KCNH8: variants seen among roughly 807,000 people sequenced by gnomAD.
KCNH8 encodes voltage-gated delayed rectifier potassium channel KCNH8.
KCNH8 carries 70 observed loss-of-function variants against 103.6 expected under a neutral mutation model. That is an observed-to-expected ratio of 0.68 (90% CI 0.56 to 0.82). The LOEUF is 0.82. Ranked by LOEUF, KCNH8 falls within the 40% of genes least tolerant of loss-of-function variation. The pLI, the probability that KCNH8 is intolerant of heterozygous loss-of-function variation, is 0.00. For missense variants in KCNH8, 1,217 were observed against 1,329.9 expected, an observed-to-expected ratio of 0.92 and a Z score of 1.32; for synonymous variants, 498 against 489.4, an observed-to-expected ratio of 1.02 and a Z score of -0.23.
Position 19,253,749 on chromosome 3 carries a change from A to G in KCNH8, c.172A>G (p.Thr58Ala), listed in dbSNP as rs1193045273. ...GFCELAGFARTEVMQKSCSCK... is the reference protein window; with the variant it reads ...GFCELAGFARAEVMQKSCSCK... ...CTGCGAGCTTGCTGGATTTGCCCGA[A>G]CTGAAGTCATGCAGAAGAGTTGTAG... Residue 58 changes from threonine (T) to alanine (A), a missense_variant, in exon 2 of 16, where the codon ACT becomes GCT. Thr to Ala is a moderately conservative substitution (Grantham distance 58, BLOSUM62 0). This residue lies in a region of KCNH8 where 244 missense variants were observed against 256.8 expected (regional missense o/e 0.95). Coordinates refer to ENST00000328405, the MANE Select transcript of KCNH8 (RefSeq NM_144633.3). The G allele has an allele frequency of 6.2e-7, 1 of 1,613,882 alleles. No homozygotes were observed. The highest frequency in any genetic ancestry group is 1.7e-5 in the Admixed American group (1 of 59,952).
chr3:19,361,533 G>A (rs2125109819), intron 5 of KCNH8, among the ~76,000 whole-genome samples: 1 of 152,246 alleles, frequency 6.6e-6, no homozygotes, highest in East Asian at 1.9e-4. Flanking sequence ...CCGATTCTCA[G>A]AGGAGCAATA....
At chr3:19,176,779 G>C (rs866193842) in intron 1 of KCNH8, among the ~76,000 whole-genome samples, 24 of 152,008 alleles carry the variant, frequency 1.6e-4, no homozygotes, top group Admixed American at 3.9e-4. Flanking sequence ...CTCATTATTT[G>C]TGTTAGTTAT....
At chr3:19,174,862 T>C (rs539560328) in intron 1 of KCNH8, among the ~76,000 whole-genome samples, 1 of 152,346 alleles carries the variant, frequency 6.6e-6, no homozygotes, top group African/African-American at 2.4e-5. Context: ...AAAGGAATAT[T>C]TGAGTCCATC....
At chr3:19,475,941 A>C (rs959351553) in intron 11 of KCNH8, among the ~76,000 whole-genome samples, 1 of 152,166 alleles carries the variant, frequency 6.6e-6, no homozygotes, top group African/African-American at 2.4e-5. Context: ...CTGATGCTCC[A>C]CGCACCAATT....
At chr3:19,182,874 GA>G (rs1201139097) in intron 1 of KCNH8, among the ~76,000 whole-genome samples, 2 of 152,088 alleles carry the variant, frequency 1.3e-5, no homozygotes, top group Admixed American at 6.5e-5. Context: ...AAAATATTGA[GA>G]AAAAAATAGT....
chr3:19,196,662 G>A (rs2063605375), intron 1 of KCNH8, among the ~76,000 whole-genome samples: 1 of 151,964 alleles, frequency 6.6e-6, no homozygotes, highest in Non-Finnish European at 1.5e-5. Context: ...AGGCTAAATT[G>A]ACTTCCTTTC....
chr3:19,262,556 T>C (rs2064451214), intron 2 of KCNH8, among the ~76,000 whole-genome samples: 1 of 152,040 alleles, frequency 6.6e-6, no homozygotes. Flanking sequence ...GGCTGTTAGG[T>C]AATGGGCTCA....
At chr3:19,469,924 T>A (rs1247602819) in intron 11 of KCNH8, among the ~76,000 whole-genome samples, 3 of 152,152 alleles carry the variant, frequency 2.0e-5, no homozygotes, top group African/African-American at 7.2e-5. Context: ...AGGACTGGAC[T>A]CTACTGGACT....
intron 11 of KCNH8, among the ~76,000 whole-genome samples, chr3:19,493,780 C>G (rs1177565232): frequency 6.6e-6 from 1 of 152,038 alleles, no homozygotes; most frequent in African/African-American, 2.4e-5. Context: ...CCCTACACAA[C>G]ATTATTCTCC....
intron 1 of KCNH8, among the ~76,000 whole-genome samples, chr3:19,238,208 C>T (rs2064089731): frequency 6.6e-6 from 1 of 152,154 alleles, no homozygotes; most frequent in Non-Finnish European, 1.5e-5. Flanking sequence ...TAGCTTGTGA[C>T]CTTTTGGATA....
At chr3:19,399,748 T>C (rs1051093430) in intron 7 of KCNH8, among the ~76,000 whole-genome samples, 9 of 151,952 alleles carry the variant, frequency 5.9e-5, no homozygotes, top group South Asian at 2.1e-4. Context: ...TTCAAACTTA[T>C]ATCGATGAGC....
At position 19,309,970 on chromosome 3, in the gene KCNH8, C is replaced by G. The variant is rs1214443506; in HGVS notation, c.442+28641C>G. Among the ~76,000 whole-genome samples the G allele has an allele frequency of 2.0e-5, 3 of 151,850 alleles. No individual in the cohort carries two copies. The East Asian group carries it at 5.8e-4, about 29-fold the overall frequency. On this transcript the variant is annotated intron_variant, in intron 3 of 15. Transcript: ENST00000328405. The stretch of plus-strand genomic sequence containing the variant: ...TGGGCCTTGCTTGTTGCTAGATAAT[C>G]AGGTTTTTGGATCTTGTACATGCAG...
intron 1 of KCNH8, among the ~76,000 whole-genome samples, chr3:19,240,949 GT>G (rs931394199): frequency 3.9e-5 from 6 of 152,048 alleles, no homozygotes; most frequent in African/African-American, 1.4e-4. Context: ...ATCACCTCAT[GT>G]TTTTTTATGG....
chr3:19,176,104 CA>C (rs763508580), intron 1 of KCNH8, among the ~76,000 whole-genome samples: 2 of 151,976 alleles, frequency 1.3e-5, no homozygotes, highest in Admixed American at 6.6e-5. Flanking sequence ...AAAATATGTC[CA>C]GCTGAGTTTG....
chr3:19,337,503 T>C (rs1269320033), intron 3 of KCNH8, among the ~76,000 whole-genome samples: 1 of 152,188 alleles, frequency 6.6e-6, no homozygotes, highest in East Asian at 1.9e-4. Context: ...TGTATTTTAC[T>C]CATTTACCTT....
intron 1 of KCNH8, among the ~76,000 whole-genome samples, chr3:19,174,957 G>A (rs1035915705): frequency 6.6e-6 from 1 of 152,038 alleles, no homozygotes. Flanking sequence ...TAATAATTTT[G>A]TTTTATTATG....
intron 1 of KCNH8, among the ~76,000 whole-genome samples, chr3:19,164,562 T>C (rs1251357182): frequency 6.6e-6 from 1 of 152,222 alleles, no homozygotes; most frequent in Non-Finnish European, 1.5e-5. Context: ...AGCTGGAATC[T>C]ATACACATGG....
At chr3:19,160,261 A>T (rs2063220999) in intron 1 of KCNH8, among the ~76,000 whole-genome samples, 1 of 152,168 alleles carries the variant, frequency 6.6e-6, no homozygotes, top group Non-Finnish European at 1.5e-5. Context: ...TATCTTGGAC[A>T]TATTTTGTGA....
chr3:19,458,259 C>T (rs1417774845), intron 11 of KCNH8, among the ~76,000 whole-genome samples: 1 of 151,746 alleles, frequency 6.6e-6, no homozygotes. Context: ...TAAAAAAAAT[C>T]AGTAGATTGA....
Sources: allele counts gnomAD v4.1 joint callset (sites outside exome capture counted in the v4.1 genomes callset), GRCh38; gene constraint gnomAD v4.1.1; regional missense constraint gnomAD v4.1.1; transcripts MANE v1.5; gene names NCBI Gene and HGNC (gene_info 2026-07-23, HGNC 2026-07-21).